CNTLN: variants seen among roughly 807,000 people sequenced by gnomAD.
CNTLN encodes centlein, centrosomal protein.
In CNTLN, 212 loss-of-function variants were observed where a neutral mutation model predicts 180.0. The observed-to-expected ratio is 1.18, with a 90% CI of 1.05 to 1.32. CNTLN has a LOEUF of 1.32. CNTLN is among the 40% of genes most tolerant of loss of function. The probability of loss-of-function intolerance (pLI) is 0.00; values close to 1 mark genes in which losing one functional copy is unlikely to be tolerated. For missense variants in CNTLN, 2,095 were observed against 1,610.9 expected (o/e 1.30, Z -5.14); for synonymous variants, 722 against 563.1 (o/e 1.28, Z -3.99).
At chr9:17,147,440 A>G (rs74859634) in intron 2 of CNTLN, among the ~76,000 whole-genome samples, 10,097 of 152,062 alleles carry the variant, frequency 0.066, 442 homozygotes, top group East Asian at 0.17. Flanking sequence ...TCTGCTCTCT[A>G]TACTTACTAA....
chr9:17,193,348 G>A (rs1284626709), intron 2 of CNTLN, among the ~76,000 whole-genome samples: 1 of 152,124 alleles, frequency 6.6e-6, no homozygotes, highest in African/African-American at 2.4e-5. Flanking sequence ...TTCCACCTAT[G>A]AGCCTGTAAA....
At chr9:17,225,636 A>G (rs537095289) in intron 2 of CNTLN, among the ~76,000 whole-genome samples, 3 of 152,022 alleles carry the variant, frequency 2.0e-5, no homozygotes, top group South Asian at 4.1e-4. Context: ...TTTAAAAGCT[A>G]TATTTGTTTT....
intron 7 of CNTLN, among the ~76,000 whole-genome samples, chr9:17,305,534 T>TTA (rs397768780): frequency 1.3e-5 from 2 of 151,682 alleles, no homozygotes; most frequent in Non-Finnish European, 2.9e-5. Flanking sequence ...TTTTTTTTTT[T>TTA]AAACTCTACT....
chr9:17,484,928 A>G (rs1200044581), intron 24 of CNTLN, among the ~76,000 whole-genome samples: 1 of 152,174 alleles, frequency 6.6e-6, no homozygotes, highest in Admixed American at 6.5e-5. Context: ...ATTATTCACC[A>G]GTATACGCTT....
chr9:17,322,293 T>C (rs1484459600), intron 8 of CNTLN, among the ~76,000 whole-genome samples: 1 of 152,064 alleles, frequency 6.6e-6, no homozygotes, highest in East Asian at 1.9e-4. Flanking sequence ...AAAAGAAAAA[T>C]TTGAAGTCTT....
intron 2 of CNTLN, among the ~76,000 whole-genome samples, chr9:17,214,957 A>G (rs1366751985): frequency 1.3e-5 from 2 of 152,138 alleles, no homozygotes; most frequent in African/African-American, 4.8e-5. Context: ...CATTTGTCTA[A>G]TCTTTTTTGA....
At chr9:17,266,693 C>CTA (rs1563937957) in intron 5 of CNTLN, among the ~76,000 whole-genome samples, 3 of 152,012 alleles carry the variant, frequency 2.0e-5, no homozygotes, top group Admixed American at 6.6e-5. Flanking sequence ...GTAGGTTACT[C>CTA]AGGACTTGCT....
intron 8 of CNTLN, among the ~76,000 whole-genome samples, chr9:17,326,893 A>T (rs1820331160): frequency 6.6e-6 from 1 of 152,180 alleles, no homozygotes; most frequent in Admixed American, 6.5e-5. Context: ...GCTCTAGGAG[A>T]TATAGGAACT....
intron 8 of CNTLN, among the ~76,000 whole-genome samples, chr9:17,329,612 A>T (rs1349152404): frequency 6.6e-6 from 1 of 152,032 alleles, no homozygotes; most frequent in Admixed American, 6.6e-5. Context: ...CCCTCTCATT[A>T]TACAAATTGC....
At chr9:17,332,162 T>C (rs1014383670) in intron 9 of CNTLN, among the ~76,000 whole-genome samples, 1 of 152,094 alleles carries the variant, frequency 6.6e-6, no homozygotes, top group African/African-American at 2.4e-5. Context: ...TTTATATTCC[T>C]CAAGCATATT....
chr9:17,262,802 T>G (rs950389385), intron 5 of CNTLN, among the ~76,000 whole-genome samples: 7 of 151,342 alleles, frequency 4.6e-5, no homozygotes, highest in Admixed American at 3.3e-4. Flanking sequence ...AGGGAATGCT[T>G]CCAGCTTTTG....
intron 12 of CNTLN, among the ~76,000 whole-genome samples, chr9:17,360,275 C>G (rs543900889): frequency 6.6e-6 from 1 of 152,316 alleles, no homozygotes; most frequent in South Asian, 2.1e-4. Context: ...GGACCATCAT[C>G]ATAGGTAGGG....
intron 12 of CNTLN, among the ~76,000 whole-genome samples, chr9:17,354,789 T>C (rs879757225): frequency 8.5e-5 from 13 of 152,056 alleles, no homozygotes; most frequent in Non-Finnish European, 1.8e-4. Context: ...CCAGTCCCCT[T>C]CCACACTGTG....
At position 17,404,800 on chromosome 9, in the gene CNTLN, C is replaced by T. The variant is rs1396009040; in HGVS notation, c.2616-4493C>T. Among the ~76,000 whole-genome samples the T allele has an allele frequency of 8.8e-5, 13 of 148,218 alleles. 2 individuals carry two copies. The highest frequency in any genetic ancestry group is 4.0e-4 in the East Asian group (2 of 5,044). ...TCTGCCAGGCTGGAGTACAGTGGCG[C>T]GATCTTGGCTCACTGCAGGCTCCAC... is the stretch of plus-strand genomic sequence containing the variant. On this transcript the variant is annotated intron_variant, in intron 15 of 25. Transcript: ENST00000380647.
intron 18 of CNTLN, among the ~76,000 whole-genome samples, chr9:17,423,655 T>A (rs557374203): frequency 6.6e-6 from 1 of 152,290 alleles, no homozygotes; most frequent in African/African-American, 2.4e-5. Flanking sequence ...CCTTTCATAT[T>A]TATTCAGTAC....
chr9:17,364,723 T>C (rs1823668800), intron 12 of CNTLN, among the ~76,000 whole-genome samples: 1 of 152,208 alleles, frequency 6.6e-6, no homozygotes, highest in Admixed American at 6.5e-5. Context: ...TGGTGGCTTT[T>C]CTCCCATACA....
At chr9:17,147,858 A>C (rs1386909511) in intron 2 of CNTLN, among the ~76,000 whole-genome samples, 2 of 152,204 alleles carry the variant, frequency 1.3e-5, no homozygotes. Context: ...TTTTGGATAA[A>C]GTTTGCCCTG....
In CNTLN at chr9:17,298,372, T is replaced by G; in HGVS notation, c.1146+20T>G. On this transcript the variant is annotated intron_variant, in intron 7 of 25. Coordinates refer to ENST00000380647, the MANE Select transcript of CNTLN (RefSeq NM_017738.4). ...CAAAAAGTATGCTTTTATTCTGTAA[T>G]AAAGATGTAAATGTTTATGTATGAA... 6.3e-7 allele frequency: 1 copy of G among 1,582,880 alleles called. No homozygotes were observed. Among genetic ancestry groups the G allele is most frequent in the Non-Finnish European group, 8.6e-7 (1 of 1,166,024 alleles).
rs1441338609 is a variant in CNTLN at position 17,330,802 on chromosome 9, A to G, written c.1512A>G (p.Lys504=). ...GCATCATGACAAGTGCTGAAGGAAA[A>G]CATAAGGTAGGGACATTTTGTCATT... ...RKSIMTSAEG[K]HKEPPVKRSR... is the part of the protein sequence containing the mutation. Residue 504 remains lysine (K), a synonymous_variant, in exon 9 of 26, where the codon AAA becomes AAG. Transcript: ENST00000380647. 1.2e-6 allele frequency: 2 copies of G among 1,605,264 alleles called. No homozygotes were observed. Among genetic ancestry groups the G allele is most frequent in the East Asian group, 4.5e-5 (2 of 44,346 alleles).
Sources: gnomAD v4.1 joint callset for allele counts (sites outside exome capture counted in the v4.1 genomes callset) on GRCh38, gnomAD v4.1.1 for gene constraint, MANE v1.5 for transcripts, NCBI Gene and HGNC (gene_info 2026-07-23, HGNC 2026-07-21) for gene names.